Variants in ICE1 observed in about 807,000 individuals in gnomAD.
The protein encoded by ICE1 is interactor of little elongation complex ELL subunit 1.
Under a neutral mutation model 192.7 loss-of-function variants are expected in ICE1, and 64 were observed. That is an observed-to-expected ratio of 0.33 (90% CI 0.27 to 0.41). ICE1 has a LOEUF of 0.41. ICE1 is among the 10% of genes least tolerant of loss of function. The probability of loss-of-function intolerance (pLI) is 1.00; values close to 1 mark genes in which losing one functional copy is unlikely to be tolerated. For missense variants in ICE1, 2,708 were observed against 2,696.0 expected (o/e 1.00, Z -0.10); for synonymous variants, 1,010 against 984.5 (o/e 1.03, Z -0.49).
intron 1 of ICE1, among the ~76,000 whole-genome samples, chr5:5,434,533 C>G (rs150541495): frequency 6.6e-4 from 100 of 152,212 alleles, no homozygotes; most frequent in African/African-American, 2.2e-3. Flanking sequence ...AATCAACAAA[C>G]AAAAATTAGT....
At chr5:5,455,619 T>G (rs1181181497) in intron 11 of ICE1, among the ~76,000 whole-genome samples, 1 of 152,226 alleles carries the variant, frequency 6.6e-6, no homozygotes, top group Non-Finnish European at 1.5e-5. Flanking sequence ...GGTAAATATA[T>G]TACGTTAATT....
rs79567486 is a variant in ICE1, at chr5:5,487,080, G to A, written c.6619+261G>A. Reference sequence around the variant, plus strand: ...AGAAGAAAGTCTCTTCTCTTCCTGCGGCTAACATTCTGCCTCTAAAACTCT... The same window carrying A: ...AGAAGAAAGTCTCTTCTCTTCCTGCAGCTAACATTCTGCCTCTAAAACTCT... On this transcript the variant is annotated intron_variant, in intron 18 of 18. Coordinates refer to ENST00000296564, the MANE Select transcript of ICE1 (RefSeq NM_015325.3). 5.8e-3 allele frequency among the ~76,000 whole-genome samples: 885 copies of A among 152,248 alleles called. 11 individuals are homozygous for A. The highest frequency in any genetic ancestry group is 0.02 in the African/African-American group (846 of 41,554).
chr5:5,451,591 G>A (rs1366954901), intron 10 of ICE1, among the ~76,000 whole-genome samples: 1 of 152,114 alleles, frequency 6.6e-6, no homozygotes, highest in Non-Finnish European at 1.5e-5. Context: ...GAAAATGTAA[G>A]TAGAATGGTC....
rs72727734 is a variant in ICE1, at chr5:5,424,258, A to G, written c.84+1259A>G. On this transcript the variant is annotated intron_variant, in intron 1 of 18. Coordinates refer to ENST00000296564, the MANE Select transcript of ICE1 (RefSeq NM_015325.3). ...GTGCAATATCTGTGAACTGATTGCA[A>G]ACATTTTAAGTGTTGAAGGAAGGGG... is the stretch of plus-strand genomic sequence containing the variant. Among the ~76,000 whole-genome samples the G allele has an allele frequency of 7.8e-3, 1,192 of 152,282 alleles. 8 individuals are homozygous for G. The highest frequency in any genetic ancestry group is 0.013 in the Non-Finnish European group (889 of 68,020).
rs568015455 is a variant in ICE1, at chr5:5,477,465, A to G, written c.6520+1386A>G. ...AGAAGTTGAATCCCTGAATAGACCA[A>G]TAACAAGTTCTGAAATTGAGGCAGT... On this transcript the variant is annotated intron_variant, in intron 17 of 18. Coordinates refer to ENST00000296564, the MANE Select transcript of ICE1 (RefSeq NM_015325.3). Among the ~76,000 whole-genome samples the G allele has an allele frequency of 9.2e-5, 14 of 152,350 alleles. No homozygotes were observed. The South Asian group carries it at 2.7e-3, about 29-fold the overall frequency.
intron 1 of ICE1, among the ~76,000 whole-genome samples, chr5:5,430,481 T>C (rs16875568): frequency 0.045 from 6,789 of 152,308 alleles, 569 homozygotes; most frequent in East Asian, 0.32. Context: ...TCTTGTTTTT[T>C]GTTTAATCAC....
chr5:5,462,736 A>G lies in ICE1; in HGVS notation c.3402A>G (p.Gly1134=). The G allele has an allele frequency of 6.2e-7, 1 of 1,613,822 alleles. No individual in the cohort carries two copies. Among genetic ancestry groups the G allele is most frequent in the Non-Finnish European group, 8.5e-7 (1 of 1,179,800 alleles). ...DAPDDSQKNL[G]DTDAAVAEVR... Reference sequence around the variant, plus strand: ...CTGATGACTCACAGAAAAATTTAGGAGACACAGATGCTGCTGTAGCCGAGG... The same window carrying G: ...CTGATGACTCACAGAAAAATTTAGGGGACACAGATGCTGCTGTAGCCGAGG... Residue 1134 remains glycine, a synonymous_variant, in exon 13 of 19, where the codon GGA becomes GGG. Coordinates refer to ENST00000296564, the MANE Select transcript of ICE1 (RefSeq NM_015325.3).
At chr5:5,469,059 G>T in intron 15 of ICE1, 71 bp downstream of exon 15, 1 of 1,130,174 alleles carries the variant, frequency 8.8e-7, no homozygotes, top group South Asian at 2.8e-5. Flanking sequence ...ATTTTGTTGT[G>T]TATTTAGTTT....
intron 17 of ICE1, among the ~76,000 whole-genome samples, chr5:5,486,025 A>G (rs1739630108): frequency 6.6e-6 from 1 of 152,234 alleles, no homozygotes; most frequent in Non-Finnish European, 1.5e-5. Flanking sequence ...CACTCACAAG[A>G]CAAACAATTG....
chr5:5,437,187 A>G (rs533089069), intron 3 of ICE1, 73 bp downstream of exon 3: 2 of 1,179,010 alleles, frequency 1.7e-6, no homozygotes, highest in African/African-American at 1.5e-5. Flanking sequence ...AGATGTGAGA[A>G]TTGTTCCTCA....
Position 5,461,443 on chromosome 5 carries a change from G to A in ICE1, c.2109G>A (p.Leu703=). The A allele has an allele frequency of 1.9e-6, 3 of 1,614,040 alleles. No homozygotes were observed. The highest frequency in any genetic ancestry group is 1.3e-5 in the African/African-American group (1 of 75,064). Reference sequence around the variant, plus strand: ...GAGGAAACAACTTGGAGAATAGCTTGTGTGCCTTGAGCCCTGAATTGGGAG... The same window carrying A: ...GAGGAAACAACTTGGAGAATAGCTTATGTGCCTTGAGCCCTGAATTGGGAG... The part of the protein sequence containing the change: ...SIGGNNLENS[L]CALSPELGAS... The change falls in exon 13 of 19, where the codon TTG becomes TTA. Residue 703 remains leucine, a synonymous_variant. Transcript: ENST00000296564.
At chr5:5,451,211 T>G (rs1422756379) in intron 10 of ICE1, among the ~76,000 whole-genome samples, 1 of 152,144 alleles carries the variant, frequency 6.6e-6, no homozygotes, top group Non-Finnish European at 1.5e-5. Flanking sequence ...AATACTAAAC[T>G]GTTTTGAAAG....
chr5:5,481,545 A>ACATAGATTCTC (rs776614750), intron 17 of ICE1, among the ~76,000 whole-genome samples: 4 of 152,328 alleles, frequency 2.6e-5, no homozygotes, highest in Non-Finnish European at 5.9e-5. Flanking sequence ...TTCTTAAAAA[A>ACATAGATTCTC]CATAGATTCT....
At position 5,486,783 on chromosome 5, in the gene ICE1, G is replaced by C. The variant is rs202069395; in HGVS notation, c.6583G>C (p.Val2195Leu). ...ATCTGCTGTGAAAAATATTAGTTCG[G>C]TTATTGGTATGTTTATACAGCATGC... is the stretch of plus-strand genomic sequence containing the variant. ...FPSAVKNISS[V>L]IGMFIQHAHD... The change falls in exon 18 of 19, where the codon GTT becomes CTT. Residue 2195 changes from valine (V) to leucine (L), a missense_variant. Transcript: ENST00000296564. The C allele has an allele frequency of 3.1e-6, 5 of 1,601,406 alleles. No individual in the cohort carries two copies. In the African/African-American group the frequency reaches 5.3e-5, roughly 17 times the overall value.
intron 15 of ICE1, among the ~76,000 whole-genome samples, chr5:5,469,807 G>A (rs1023939358): frequency 2.0e-5 from 3 of 152,130 alleles, no homozygotes; most frequent in Non-Finnish European, 4.4e-5. Context: ...AGTTTGTAAT[G>A]ATCTCTTCAT....
intron 1 of ICE1, among the ~76,000 whole-genome samples, chr5:5,426,467 T>G (rs970205681): frequency 2.7e-5 from 4 of 149,378 alleles, no homozygotes; most frequent in Non-Finnish European, 5.9e-5. Context: ...AAAAAAAAGC[T>G]TATTTGACAG....
In ICE1 at chr5:5,489,429, A is replaced by C; in HGVS notation, c.*99A>C. 1 of 1,107,914 alleles carries C rather than the reference A, an allele frequency of 9.0e-7. No individual in the cohort carries two copies. Among genetic ancestry groups the C allele is most frequent in the East Asian group, 2.6e-5 (1 of 38,314 alleles). 68.6% of individuals were successfully genotyped at this position (1,107,914 alleles called of 1,614,324 possible). On this transcript the variant is annotated 3_prime_UTR_variant, in exon 19 of 19. Transcript: ENST00000296564. ...TACAAAGGGAGGTTTCAAAACAAAA[A>C]GACATAAAATAGATAAAACAGACCA...
At chr5:5,439,178 G>T (rs1737965311) in intron 3 of ICE1, among the ~76,000 whole-genome samples, 1 of 151,854 alleles carries the variant, frequency 6.6e-6, no homozygotes. Flanking sequence ...GGTATTTTTT[G>T]AACTTTCCTA....
At position 5,422,948 on chromosome 5, in the gene ICE1, C is replaced by G; in HGVS notation, c.33C>G (p.Pro11=). The G allele has an allele frequency of 6.9e-7, 1 of 1,448,458 alleles. No homozygotes were observed. The highest frequency in any genetic ancestry group is 1.3e-5 in the South Asian group (1 of 74,482). 89.7% of individuals were successfully genotyped at this position (1,448,458 alleles called of 1,614,324 possible). MMPGETHSAA[P]GTAADLSRCQ... ...CGGGCGAGACCCATTCGGCGGCGCC[C>G]GGGACGGCGGCGGACCTGTCGCGAT... is the stretch of plus-strand genomic sequence containing the variant. The change falls in exon 1 of 19, where the codon CCC becomes CCG. Residue 11 remains proline (P), a synonymous_variant. Coordinates refer to ENST00000296564, the MANE Select transcript of ICE1 (RefSeq NM_015325.3).
Sources: gnomAD v4.1 joint callset for allele counts (sites outside exome capture counted in the v4.1 genomes callset) on GRCh38, gnomAD v4.1.1 for gene constraint, MANE v1.5 for transcripts, NCBI Gene and HGNC (gene_info 2026-07-23, HGNC 2026-07-21) for gene names.